Variants in NPC1L1 observed in about 807,000 individuals in gnomAD.
NPC1L1 encodes NPC1 like intracellular cholesterol transporter 1.
A neutral mutation model predicts 117.0 loss-of-function variants in NPC1L1; 98 were observed. That is an observed-to-expected ratio of 0.84 (90% CI 0.71 to 0.99). NPC1L1 has a LOEUF of 0.99. Ranked by LOEUF, NPC1L1 falls within the 50% of genes least tolerant of loss-of-function variation. The pLI, the probability that NPC1L1 is intolerant of heterozygous loss-of-function variation, is 0.00. For synonymous variants in NPC1L1, 729 were observed against 727.6 expected, an observed-to-expected ratio of 1.00 and a Z score of -0.03; for missense variants, 1,540 against 1,710.0, an observed-to-expected ratio of 0.90 and a Z score of 1.75.
chr7:44,520,803 C>T lies in NPC1L1; in HGVS notation c.3098G>A (p.Ser1033Asn), dbSNP rs1245241762. 15 of 1,614,158 alleles carry T rather than the reference C, an allele frequency of 9.3e-6. No homozygotes were observed. The highest frequency in any genetic ancestry group is 1.3e-5 in the Non-Finnish European group (15 of 1,180,006). The change falls in exon 14 of 19, where the codon AGC becomes AAC. Residue 1033 changes from serine to asparagine, a missense_variant. Physicochemically the swap from Ser to Asn is conservative, Grantham distance 46. This residue lies in a region of NPC1L1 where 742 missense variants were observed against 873.6 expected (regional missense o/e 0.85). Coordinates refer to ENST00000381160, the MANE Select transcript of NPC1L1 (RefSeq NM_001101648.2). ...ATCTGAAGTCAAGTTCACAGAGGTG[C>T]TGTATGCTGCCAGGCCGCTGCAAGA... is the stretch of plus-strand genomic sequence containing the variant. ...KCPKGGLAAY[S>N]TSVNLTSDGQ...
At chr7:44,518,416 G>A (rs555559369) in intron 14 of NPC1L1, among the ~76,000 whole-genome samples, 61 of 151,922 alleles carry the variant, frequency 4.0e-4, no homozygotes, top group African/African-American at 1.3e-3. Flanking sequence ...GTGATTCGCC[G>A]GCCTCGGTCT....
rs771673560 is a variant in NPC1L1 at position 44,516,901 on chromosome 7, G to A, written c.3321C>T (p.Thr1107=). The change falls in exon 16 of 19, where the codon ACC becomes ACT. Residue 1107 remains threonine (T), a synonymous_variant. Transcript: ENST00000381160. ...ITNVFYEQYL[T]ILPEGLFMLS... ...GCATGAAGAGCCCCTCAGGGAGGAT[G>A]GTCAGGTACTGCTCATAAAACACAT... The A allele has an allele frequency of 6.2e-7, 1 of 1,613,978 alleles. No homozygotes were observed. Among genetic ancestry groups the A allele is most frequent in the South Asian group, 1.1e-5 (1 of 91,048 alleles).
Position 44,536,552 on chromosome 7 carries a change from C to T in NPC1L1, c.1682-124G>A. The T allele has an allele frequency of 9.3e-7, 1 of 1,075,508 alleles. No homozygotes were observed. The allele number at this position is 1,075,508 out of a possible 1,614,324, so 66.6% of individuals were successfully genotyped here. The stretch of plus-strand genomic sequence containing the variant: ...TCCCATCACCCCTTGCTCCTTCTCC[C>T]CCACTCCTTCCTCATCTGATACATG... On this transcript the variant is annotated intron_variant, in intron 3 of 18. Coordinates refer to ENST00000381160, the MANE Select transcript of NPC1L1 (RefSeq NM_001101648.2). The surrounding 1 kb of genome is among the most constrained non-coding windows in gnomAD (Gnocchi z 4.7).
In NPC1L1 at chr7:44,512,867, C is replaced by T. The variant is rs1470576114; in HGVS notation, c.*580G>A. On this transcript the variant is annotated 3_prime_UTR_variant, in exon 19 of 19. Coordinates refer to ENST00000381160, the MANE Select transcript of NPC1L1 (RefSeq NM_001101648.2). ...TCCTGGGCCTTATGAGAGCATCCTT[C>T]CTGGGCCCTTCTCTTGCCAGAAAAG... 1 of 180,124 alleles carries T rather than the reference C, an allele frequency of 5.6e-6. No individual in the cohort carries two copies. Among genetic ancestry groups the T allele is most frequent in the African/African-American group, 2.4e-5 (1 of 42,260 alleles). 11.2% of individuals were successfully genotyped at this position (180,124 alleles called of 1,614,324 possible). A position where few individuals can be genotyped will look rare whatever the true frequency, so the allele number is the denominator to read the frequency against.
intron 18 of NPC1L1, among the ~76,000 whole-genome samples, chr7:44,515,292 G>A (rs926569054): frequency 1.5e-4 from 23 of 150,212 alleles, no homozygotes; most frequent in African/African-American, 5.2e-4. Flanking sequence ...AAGTCAAGGT[G>A]GCAGTGAGCT....
chr7:44,533,194 A>G (rs1311164184), intron 8 of NPC1L1: 4 of 442,724 alleles, frequency 9.0e-6, no homozygotes, highest in Non-Finnish European at 1.3e-5. Flanking sequence ...ACTGTATTTT[A>G]TTTCTCAACA....
intron 14 of NPC1L1, among the ~76,000 whole-genome samples, chr7:44,519,700 C>T (rs79124721): frequency 0.018 from 2,735 of 152,266 alleles, 76 homozygotes; most frequent in African/African-American, 0.062. Context: ...CTATGGCCAG[C>T]TCCTTTACAC....
At position 44,536,166 on chromosome 7, in the gene NPC1L1, A is replaced by T; in HGVS notation, c.1854+90T>A. On this transcript the variant is annotated intron_variant, in intron 4 of 18. Transcript: ENST00000381160. The surrounding 1 kb of genome is among the most constrained non-coding windows in gnomAD (Gnocchi z 4.7). ...AGGCAGCCACTGCCCAGGGTCACTT[A>T]GGAAGGGCCAGGGCCAGGATGGGGA... 1 of 1,588,348 alleles carries T rather than the reference A, an allele frequency of 6.3e-7. No homozygotes were observed.
At chr7:44,519,523 G>A (rs1444000595) in intron 14 of NPC1L1, among the ~76,000 whole-genome samples, 2 of 152,078 alleles carry the variant, frequency 1.3e-5, no homozygotes, top group Non-Finnish European at 1.5e-5. Flanking sequence ...CTGGAAGGGT[G>A]GGGTGAGCGA....
rs1276821052 is a variant in NPC1L1, at chr7:44,539,303, G to A, written c.1094C>T (p.Ala365Val). Residue 365 changes from alanine to valine, a missense_variant, in exon 2 of 19, where the codon GCC becomes GTC. Physicochemically the swap from Ala to Val is moderately conservative, Grantham distance 64 (BLOSUM62 0). Around this residue, in one of 3 missense-constraint regions of NPC1L1, gnomAD observed 793 missense variants for 820.4 expected, o/e 0.97. Coordinates refer to ENST00000381160, the MANE Select transcript of NPC1L1 (RefSeq NM_001101648.2). The surrounding 1 kb of genome is among the most constrained non-coding windows in gnomAD (Gnocchi z 4.4). Reference protein sequence around the residue: ...ILVLSVIPVVALAAGLVFTEL... With the variant: ...ILVLSVIPVVVLAAGLVFTEL... ...TGTAAAGACCAGGCCCGCTGCCAAGGCCACCACCGGGATGACAGATAGCAC... is the reference window on the plus strand; with the variant it reads ...TGTAAAGACCAGGCCCGCTGCCAAGACCACCACCGGGATGACAGATAGCAC... 4.3e-6 allele frequency: 7 copies of A among 1,614,032 alleles called. No individual in the cohort carries two copies. Among genetic ancestry groups the A allele is most frequent in the Non-Finnish European group, 5.9e-6 (7 of 1,179,996 alleles).
chr7:44,521,639 A>AGTC, intron 12 of NPC1L1, 73 bp downstream of exon 12: 2 of 1,610,162 alleles, frequency 1.2e-6, no homozygotes, highest in Non-Finnish European at 1.7e-6. Flanking sequence ...GAGCCTCTCC[A>AGTC]GTCCTCTCCT....
chr7:44,522,319 G>A (rs1212189137), intron 10 of NPC1L1, 77 bp from the exon 11 acceptor site: 38 of 1,359,608 alleles, frequency 2.8e-5, no homozygotes, highest in Middle Eastern at 1.8e-4. Context: ...TCACACTCTC[G>A]AAGGTACACA....
rs1162847365 is a variant in NPC1L1, at chr7:44,533,417, C to T, written c.2409+14G>A. The T allele has an allele frequency of 6.2e-7, 1 of 1,613,502 alleles. No homozygotes were observed. The highest frequency in any genetic ancestry group is 1.1e-5 in the South Asian group (1 of 90,926). Reference sequence around the variant, plus strand: ...CAGGGGCAGGTCCCTCAGTACTGGCCCAGCTGCCCCTACCTCCTGCCTCTT... The same window carrying T: ...CAGGGGCAGGTCCCTCAGTACTGGCTCAGCTGCCCCTACCTCCTGCCTCTT... On this transcript the variant is annotated intron_variant, in intron 8 of 18. Transcript: ENST00000381160.
Position 44,536,824 on chromosome 7 carries a change from AG to A in NPC1L1, c.1681+17del. The stretch of plus-strand genomic sequence containing the variant: ...ACTGCATCTTCCTTGGCTTCCTCTC[AG>A]GGCCCACTTAGCTTACCTTTGTACC... On this transcript the variant is annotated intron_variant, in intron 3 of 18. Transcript: ENST00000381160. The surrounding 1 kb of genome is among the most constrained non-coding windows in gnomAD (Gnocchi z 4.7). 1 of 1,600,612 alleles carries A rather than the reference AG, an allele frequency of 6.2e-7. No homozygotes were observed. The highest frequency in any genetic ancestry group is 2.2e-5 in the East Asian group (1 of 44,792).
intron 10 of NPC1L1, among the ~76,000 whole-genome samples, chr7:44,524,808 G>T (rs955788073): frequency 2.0e-5 from 3 of 151,830 alleles, no homozygotes; most frequent in Admixed American, 2.0e-4. Context: ...TGCTCAAAGA[G>T]CTAAAAGAAA....
At chr7:44,516,635 T>A (rs985711697) in intron 16 of NPC1L1, 68 bp downstream of exon 16, 2 of 1,231,820 alleles carry the variant, frequency 1.6e-6, no homozygotes, top group Non-Finnish European at 2.3e-6. Flanking sequence ...GAACTAGGAG[T>A]ATTCTATGAG....
chr7:44,540,406 C>G, intron 1 of NPC1L1, 64 bp from the exon 2 acceptor site: 1 of 1,465,250 alleles, frequency 6.8e-7, no homozygotes, highest in Admixed American at 1.7e-5. Flanking sequence ...AGGCAGCAGG[C>G]AGCCAGGGAG....
chr7:44,529,861 C>T (rs1801642699), intron 10 of NPC1L1, among the ~76,000 whole-genome samples: 1 of 151,468 alleles, frequency 6.6e-6, no homozygotes, highest in African/African-American at 2.4e-5. Context: ...TGGCGAAACC[C>T]TGTCTCTACT....
rs1006459508 is a variant in NPC1L1, at chr7:44,513,088, C to T, written c.*359G>A. Reference sequence around the variant, plus strand: ...CTTACTGACACAGAATTAAGACTTTCGAGAGAGGAACTGAGAAGGGAAAAG... The same window carrying T: ...CTTACTGACACAGAATTAAGACTTTTGAGAGAGGAACTGAGAAGGGAAAAG... On this transcript the variant is annotated 3_prime_UTR_variant, in exon 19 of 19. Coordinates refer to ENST00000381160, the MANE Select transcript of NPC1L1 (RefSeq NM_001101648.2). 2.8e-5 allele frequency: 10 copies of T among 362,650 alleles called. No homozygotes were observed. The highest frequency in any genetic ancestry group is 1.1e-4 in the Admixed American group (3 of 26,420). 22.5% of individuals were successfully genotyped at this position (362,650 alleles called of 1,614,324 possible). A position where few individuals can be genotyped will look rare whatever the true frequency, so the allele number is the denominator to read the frequency against.
Sources: gnomAD v4.1 joint callset for allele counts (sites outside exome capture counted in the v4.1 genomes callset) on GRCh38, gnomAD v4.1.1 for gene constraint, gnomAD v4.1.1 regional missense constraint, Gnocchi (gnomAD v3.1) non-coding constraint, MANE v1.5 for transcripts, NCBI Gene and HGNC (gene_info 2026-07-23, HGNC 2026-07-21) for gene names.